Variants in ATRX observed in about 807,000 individuals in gnomAD.
ATRX encodes chromatin remodeler ATRX.
In ATRX, 12 loss-of-function variants were observed where a neutral mutation model predicts 172.6. The observed-to-expected ratio is 0.07, with a 90% CI of 0.04 to 0.11. ATRX has a LOEUF of 0.11. Among genes scored for constraint, ATRX ranks in the 10% least tolerant of loss-of-function variants. The pLI is 1.00. For missense variants in ATRX, 1,368 were observed against 1,767.4 expected, an observed-to-expected ratio of 0.77 and a Z score of 4.05; for synonymous variants, 674 against 594.7, an observed-to-expected ratio of 1.13 and a Z score of -1.94.
intron 30 of ATRX, among the ~76,000 whole-genome samples, chrX:77,545,290 C>G (rs1602470818): frequency 8.9e-6 from 1 of 111,935 alleles, no homozygotes; most frequent in South Asian, 3.7e-4. Context: ...AGCTCCTGCC[C>G]TCAAAACCAA....
intron 2 of ATRX, among the ~76,000 whole-genome samples, chrX:77,713,797 T>C (rs1056871504): frequency 9.0e-6 from 1 of 111,585 alleles, no homozygotes; most frequent in African/African-American, 3.3e-5. Context: ...CACAAATGTA[T>C]GCTGTGATAA....
rs1399092807 is a variant in ATRX at position 77,698,470 on chromosome X, T to A, written c.189+104A>T. 4 of 652,732 alleles carry A rather than the reference T, an allele frequency of 6.1e-6. No individual in the cohort carries two copies. The African/African-American group carries it at 8.8e-5, about 14-fold the overall frequency. The allele number at this position is 652,732 out of a possible 1,213,427, so 53.8% of individuals were successfully genotyped here. ...AAACTGAAGTATAATGACAACTGGG[T>A]ATCAGTAGCCTTCGACACATACATG... On this transcript the variant is annotated intron_variant, in intron 3 of 34. Transcript: ENST00000373344.
intron 12 of ATRX, among the ~76,000 whole-genome samples, chrX:77,661,280 A>C (rs2069878077): frequency 9.0e-6 from 1 of 111,425 alleles, no homozygotes; most frequent in African/African-American, 3.3e-5. Context: ...TTATACTAAA[A>C]ACTGCTAAAT....
intron 15 of ATRX, among the ~76,000 whole-genome samples, chrX:77,648,839 A>G (rs2069060124): frequency 9.0e-6 from 1 of 111,525 alleles, no homozygotes; most frequent in African/African-American, 3.3e-5. Context: ...AGACCTAAAG[A>G]AAAAGAAAAG....
chrX:77,683,836 T>C lies in ATRX; in HGVS notation c.1420A>G (p.Met474Val). The C allele has an allele frequency of 8.3e-7, 1 of 1,210,729 alleles. No individual in the cohort carries two copies. Among genetic ancestry groups the C allele is most frequent in the Non-Finnish European group, 1.1e-6 (1 of 894,438 alleles). Reference protein sequence around the residue: ...LSRKQVDSEHMHQNVPTEEQR... With the variant: ...LSRKQVDSEHVHQNVPTEEQR... ...TCCTCTGTTGGAACATTCTGATGCA[T>C]GTGCTCACTATCTACCTGTTTTCTT... The change falls in exon 9 of 35, where the codon ATG becomes GTG. Residue 474 changes from methionine to valine, a missense_variant. Around this residue, in one of 17 missense-constraint regions of ATRX, gnomAD observed 843 missense variants for 643.1 expected, o/e 1.31. Transcript: ENST00000373344.
At position 77,508,072 on chromosome X, in the gene ATRX, AGTT is replaced by A. The variant is rs1482006656; in HGVS notation, c.*276_*278del. On this transcript the variant is annotated 3_prime_UTR_variant, in exon 35 of 35. Transcript: ENST00000373344. ...AAAAATTTAGAGAGGAAATCTGTGG[AGTT>A]GTTACTATTATGGAAGGACTTGTTT... 1.6e-5 allele frequency: 4 copies of A among 247,249 alleles called. No homozygotes were observed. Among genetic ancestry groups the A allele is most frequent in the African/African-American group, 1.1e-4 (4 of 35,377 alleles). 20.4% of individuals were successfully genotyped at this position (247,249 alleles called of 1,213,427 possible).
chrX:77,621,869 A>C (rs199734100), intron 19 of ATRX, among the ~76,000 whole-genome samples: 188 of 110,142 alleles, frequency 1.7e-3, no homozygotes, highest in East Asian at 0.012. Flanking sequence ...ACAACAACAA[A>C]AAAAAACTAA....
chrX:77,682,372 A>T lies in ATRX; in HGVS notation c.2884T>A (p.Ser962Thr). 8.3e-7 allele frequency: 1 copy of T among 1,211,382 alleles called. No homozygotes were observed. The highest frequency in any genetic ancestry group is 1.1e-6 in the Non-Finnish European group (1 of 895,305). ...TTTAGGAATTTCTCTGCAATATCAG[A>T]TAAGCCATCCTGTACTTTTTTACAT... is the stretch of plus-strand genomic sequence containing the variant. Reference protein sequence around the residue: ...KTCKKVQDGLSDIAEKFLKKD... With the variant: ...KTCKKVQDGLTDIAEKFLKKD... The change falls in exon 9 of 35, where the codon TCT (serine) becomes ACT (threonine). Residue 962 changes from serine to threonine, a missense_variant. This residue lies in a region of ATRX where 843 missense variants were observed against 643.1 expected (regional missense o/e 1.31). Coordinates refer to ENST00000373344, the MANE Select transcript of ATRX (RefSeq NM_000489.6).
intron 19 of ATRX, among the ~76,000 whole-genome samples, chrX:77,625,590 T>C (rs1282736404): frequency 8.9e-6 from 1 of 112,112 alleles, no homozygotes; most frequent in Admixed American, 9.4e-5. Context: ...GCTAAGAACA[T>C]GAACAGACAA....
intron 30 of ATRX, among the ~76,000 whole-genome samples, chrX:77,545,598 G>A (rs1184161825): frequency 9.0e-6 from 1 of 111,243 alleles, no homozygotes; most frequent in Non-Finnish European, 1.9e-5. Context: ...TAGGAGATAA[G>A]ACTGAGATAC....
chrX:77,546,497 ATTT>A (rs375224408), intron 30 of ATRX, among the ~76,000 whole-genome samples: 3 of 103,425 alleles, frequency 2.9e-5, no homozygotes, highest in African/African-American at 1.0e-4. Context: ...AGGAATCTGC[ATTT>A]TTTTTTTTTT....
chrX:77,699,232 C>T (rs1273588881), intron 2 of ATRX, among the ~76,000 whole-genome samples: 1 of 110,626 alleles, frequency 9.0e-6, no homozygotes, highest in East Asian at 2.8e-4. Context: ...CTCCCGGGTT[C>T]AGGTGATCCT....
At chrX:77,706,656 C>T (rs2072839578) in intron 2 of ATRX, among the ~76,000 whole-genome samples, 1 of 111,197 alleles carries the variant, frequency 9.0e-6, no homozygotes, top group African/African-American at 3.3e-5. Flanking sequence ...GTAATCCCAG[C>T]TACTTGTGAG....
intron 28 of ATRX, among the ~76,000 whole-genome samples, chrX:77,564,991 G>GT (rs2065148049): frequency 8.9e-6 from 1 of 111,969 alleles, no homozygotes; most frequent in South Asian, 3.7e-4. Flanking sequence ...TGAAGACCAT[G>GT]TAGGGAAACA....
At chrX:77,535,362 A>G (rs2063714588) in intron 30 of ATRX, among the ~76,000 whole-genome samples, 1 of 112,282 alleles carries the variant, frequency 8.9e-6, no homozygotes, top group Admixed American at 9.5e-5. Flanking sequence ...AAAATGACTT[A>G]GGTGGAAGGT....
At chrX:77,716,468 A>AT (rs1557165248) in intron 2 of ATRX, among the ~76,000 whole-genome samples, 1 of 107,556 alleles carries the variant, frequency 9.3e-6, no homozygotes, top group Non-Finnish European at 1.9e-5. Flanking sequence ...TTTAACTCTT[A>AT]TGTTGGGTGT....
chrX:77,740,870 C>G (rs1451882270), intron 1 of ATRX, among the ~76,000 whole-genome samples: 1 of 110,842 alleles, frequency 9.0e-6, no homozygotes, highest in Non-Finnish European at 1.9e-5. Flanking sequence ...AATCCCAGCC[C>G]TTTGGGAGGC....
At chrX:77,619,063 T>C in intron 20 of ATRX, 82 bp from the exon 21 acceptor site, 2 of 659,029 alleles carry the variant, frequency 3.0e-6, no homozygotes, top group Non-Finnish European at 4.7e-6. Context: ...AATGCTCATG[T>C]CAAAAACACA....
intron 1 of ATRX, among the ~76,000 whole-genome samples, chrX:77,758,222 C>T (rs2075581171): frequency 9.6e-6 from 1 of 103,946 alleles, no homozygotes. Context: ...ACCTCTGTCT[C>T]TACTAAAAAT....
Sources: gnomAD v4.1 joint callset for allele counts (sites outside exome capture counted in the v4.1 genomes callset) on GRCh38, gnomAD v4.1.1 for gene constraint, gnomAD v4.1.1 regional missense constraint, MANE v1.5 for transcripts, NCBI Gene and HGNC (gene_info 2026-07-23, HGNC 2026-07-21) for gene names.